The following PGAM5 variants were observed in gnomAD, a reference collection of about 807,000 sequenced individuals.
PGAM5 encodes the protein serine/threonine-protein phosphatase PGAM5, mitochondrial.
A neutral mutation model predicts 30.6 loss-of-function variants in PGAM5; 25 were observed. The observed-to-expected ratio is 0.82, with a 90% CI of 0.60 to 1.14. The LOEUF is 1.14. PGAM5 is among the 50% of genes most tolerant of loss of function. The probability of loss-of-function intolerance (pLI) is 0.00; values close to 1 mark genes in which losing one functional copy is unlikely to be tolerated. For synonymous variants in PGAM5, 201 were observed against 179.1 expected, an observed-to-expected ratio of 1.12 and a Z score of -0.98; for missense variants, 384 against 408.5, an observed-to-expected ratio of 0.94 and a Z score of 0.52.
chr12:132,713,407 C>T (rs2043540759), intron 1 of PGAM5, among the ~76,000 whole-genome samples: 2 of 152,138 alleles, frequency 1.3e-5, no homozygotes, highest in Non-Finnish European at 2.9e-5. Flanking sequence ...AAATCTCCAG[C>T]TTCTTCCTGG....
intron 2 of PGAM5, 36 bp downstream of exon 2, chr12:132,715,072 T>C: frequency 6.5e-7 from 1 of 1,538,206 alleles, no homozygotes; most frequent in Non-Finnish European, 8.7e-7. Flanking sequence ...TGGACCCTCG[T>C]GGTTATGTGG....
rs1158001987 is a variant in PGAM5, at chr12:132,720,012, CGTT to C, written c.720-662_720-660del. ...ACTGTGTTTCCTCGTAAGAAGTCAG[CGTT>C]GTTCTGATCTGTGCAAATCTTGAGT... On this transcript the variant is annotated intron_variant, in intron 5 of 5. Transcript: ENST00000498926. Among the ~76,000 whole-genome samples, 6 of 151,488 alleles carry C rather than the reference CGTT, an allele frequency of 4.0e-5. No individual in the cohort carries two copies. In the South Asian group the frequency reaches 1.3e-3, roughly 32 times the overall value.
chr12:132,717,337 T>TGTTTGCGGGCGGAGGAGGGGGG (rs2043589219), intron 2 of PGAM5, 102 bp from the exon 3 acceptor site: 1 of 1,119,668 alleles, frequency 8.9e-7, no homozygotes, highest in Non-Finnish European at 1.2e-6. Flanking sequence ...GAGGAGGGGG[T>TGTTTGCGGGCGGAGGAGGGGGG]GTTTGAGGGT....
At chr12:132,712,258 T>C (rs1047058110) in intron 1 of PGAM5, among the ~76,000 whole-genome samples, 3 of 152,206 alleles carry the variant, frequency 2.0e-5, no homozygotes, top group Admixed American at 2.0e-4. Flanking sequence ...CCTGCTGTTC[T>C]GTTCTAGGGT....
At chr12:132,711,819 C>T (rs1024437457) in intron 1 of PGAM5, 1 of 151,630 alleles carries the variant, frequency 6.6e-6, no homozygotes, top group African/African-American at 2.4e-5. Context: ...AGGTTTTTAA[C>T]ATTAGTTATG....
rs1327260641 is a variant in PGAM5 at position 132,721,955 on chromosome 12, C to T, written c.*1127C>T. On this transcript the variant is annotated 3_prime_UTR_variant, in exon 6 of 6. Transcript: ENST00000498926. ...TTTTTGCTTTGAAAACAAGTTTCTC[C>T]AAATTTACAGATTTCCTGATGATGT... 1 of 151,352 alleles carries T rather than the reference C, an allele frequency of 6.6e-6. No homozygotes were observed. 9.4% of individuals were successfully genotyped at this position (151,352 alleles called of 1,614,324 possible).
At chr12:132,717,057 T>G (rs1016370232) in intron 2 of PGAM5, among the ~76,000 whole-genome samples, 4 of 152,188 alleles carry the variant, frequency 2.6e-5, no homozygotes, top group Non-Finnish European at 5.9e-5. Context: ...CCTGTGAGGC[T>G]CAGGTTTTGG....
At chr12:132,716,554 T>TG (rs201014064) in intron 2 of PGAM5, among the ~76,000 whole-genome samples, 4,663 of 152,214 alleles carry the variant, frequency 0.031, 92 homozygotes, top group Middle Eastern at 0.051. Flanking sequence ...AATGCCCTGT[T>TG]GAACAGGCGG....
chr12:132,718,866 CG>C (rs2043615475), intron 5 of PGAM5: 8 of 1,611,890 alleles, frequency 5.0e-6, no homozygotes, highest in Non-Finnish European at 5.9e-6. Flanking sequence ...CGTGACGGCT[CG>C]GGGTGTCCGC....
chr12:132,720,249 G>GC (rs2043629402), intron 5 of PGAM5, among the ~76,000 whole-genome samples: 1 of 151,338 alleles, frequency 6.6e-6, no homozygotes, highest in Admixed American at 6.6e-5. Flanking sequence ...GTAGAACAGA[G>GC]CCCCCTGGCA....
chr12:132,712,597 C>G (rs2136079030), intron 1 of PGAM5, among the ~76,000 whole-genome samples: 1 of 152,234 alleles, frequency 6.6e-6, no homozygotes, highest in Non-Finnish European at 1.5e-5. Flanking sequence ...GCTGGGATTA[C>G]AGGCACGCGC....
intron 5 of PGAM5, chr12:132,719,066 A>C: frequency 7.1e-7 from 1 of 1,413,980 alleles, no homozygotes; most frequent in South Asian, 1.5e-5. Flanking sequence ...GGCTGCAGCC[A>C]CGTTAGAGGG....
Position 132,717,812 on chromosome 12 carries a change from C to A in PGAM5, c.585+14C>A. The A allele has an allele frequency of 1.3e-6, 2 of 1,578,290 alleles. No individual in the cohort carries two copies. The highest frequency in any genetic ancestry group is 4.7e-5 in the East Asian group (2 of 42,806). ...CCGGAAGCTGTGGTAAAAACCTCCC[C>A]GGGGGGCAGCTGTGTCACCCTCGCC... On this transcript the variant is annotated intron_variant, in intron 4 of 5. Transcript: ENST00000498926.
chr12:132,720,878 CTT>C lies in PGAM5; in HGVS notation c.*51_*52del. The C allele has an allele frequency of 1.3e-6, 2 of 1,500,332 alleles. No homozygotes were observed. Among genetic ancestry groups the C allele is most frequent in the Non-Finnish European group, 1.8e-6 (2 of 1,124,506 alleles). The allele number at this position is 1,500,332 out of a possible 1,614,324, so 92.9% of individuals were successfully genotyped here. On this transcript the variant is annotated 3_prime_UTR_variant, in exon 6 of 6. Transcript: ENST00000498926. ...GTCCTCCCTGCACAGGCCGCACACACTTAACGTTTTGTTCCCAAGGAGACCGG... is the reference window on the plus strand; with the variant it reads ...GTCCTCCCTGCACAGGCCGCACACACAACGTTTTGTTCCCAAGGAGACCGG...
At chr12:132,713,807 A>G (rs562112361) in intron 1 of PGAM5, among the ~76,000 whole-genome samples, 1 of 152,080 alleles carries the variant, frequency 6.6e-6, no homozygotes, top group South Asian at 2.1e-4. Flanking sequence ...AGCCGGGACT[A>G]CAGCTGTGGA....
intron 1 of PGAM5, among the ~76,000 whole-genome samples, chr12:132,712,199 A>G (rs1256103252): frequency 6.6e-6 from 1 of 152,248 alleles, no homozygotes; most frequent in Non-Finnish European, 1.5e-5. Context: ...TTTATAATAC[A>G]TTACTGTTAA....
chr12:132,719,000 G>C (rs1454831819), intron 5 of PGAM5: 2 of 1,438,886 alleles, frequency 1.4e-6, no homozygotes, highest in Non-Finnish European at 1.8e-6. Flanking sequence ...TCCGGGTTCA[G>C]GTTGCGTTTT....
chr12:132,719,314 G>A (rs549447339), intron 5 of PGAM5: 52 of 972,748 alleles, frequency 5.3e-5, no homozygotes, highest in East Asian at 4.3e-4. Flanking sequence ...GTCTCTGCCC[G>A]TCTGTCACCT....
In PGAM5 at chr12:132,718,933, G is replaced by T. The variant is rs571793999; in HGVS notation, c.719+813G>T. On this transcript the variant is annotated intron_variant, in intron 5 of 5. Transcript: ENST00000498926. ...ACGTTGCTGCTCGGGCTGCTCCCTC[G>T]GGGGGCCCTTGTCCCTCAACCTGCT... 5.2e-6 allele frequency: 8 copies of T among 1,550,450 alleles called. No homozygotes were observed. In the Admixed American group the frequency reaches 5.5e-5, roughly 11 times the overall value.
Sources: gnomAD v4.1 joint callset for allele counts (sites outside exome capture counted in the v4.1 genomes callset) on GRCh38, gnomAD v4.1.1 for gene constraint, MANE v1.5 for transcripts, NCBI Gene and HGNC (gene_info 2026-07-23, HGNC 2026-07-21) for gene names.